Variants in GAS6 observed in about 807,000 individuals in gnomAD.
The protein encoded by GAS6 is growth arrest specific 6.
In GAS6, 41 loss-of-function variants were observed where a neutral mutation model predicts 75.8. The observed-to-expected ratio is 0.54, with a 90% confidence interval of 0.42 to 0.70. GAS6 has a LOEUF of 0.70. Ranked by LOEUF, GAS6 falls within the 30% of genes least tolerant of loss-of-function variation. The pLI is 0.00. For missense variants in GAS6, 854 were observed against 940.2 expected (o/e 0.91, Z 1.20); for synonymous variants, 432 against 412.6 (o/e 1.05, Z -0.57).
chr13:113,859,494 GTC>G (rs1271996173), intron 2 of GAS6, among the ~76,000 whole-genome samples: 8 of 151,912 alleles, frequency 5.3e-5, no homozygotes, highest in Non-Finnish European at 7.4e-5. Context: ...ATGTGTACAT[GTC>G]TGTTAGTATG....
At chr13:113,856,252 G>A (rs750879700) in intron 2 of GAS6, among the ~76,000 whole-genome samples, 6 of 152,188 alleles carry the variant, frequency 3.9e-5, no homozygotes, top group African/African-American at 7.2e-5. Flanking sequence ...GCTCACAGTC[G>A]CCTGCACACA....
rs758711415 is a variant in GAS6, at chr13:113,838,025, G to GT, written c.589+43dup. ...GAGCAGACATGACCGAAAATAGAAGGTGGGGAGAGGAGAGAGGAGAGAGGC... is the reference window on the plus strand; with the variant it reads ...GAGCAGACATGACCGAAAATAGAAGGTTGGGGAGAGGAGAGAGGAGAGAGGC... On this transcript the variant is annotated intron_variant, in intron 6 of 14. Coordinates refer to ENST00000327773, the MANE Select transcript of GAS6 (RefSeq NM_000820.4). The GT allele has an allele frequency of 1.9e-6, 3 of 1,604,922 alleles. No individual in the cohort carries two copies. In the South Asian group the frequency reaches 3.3e-5, roughly 18 times the overall value.
Position 113,837,668 on chromosome 13 carries a change from A to G in GAS6, c.589+401T>C, listed in dbSNP as rs2051731124. 1.3e-5 allele frequency among the ~76,000 whole-genome samples: 2 copies of G among 152,258 alleles called. No individual in the cohort carries two copies. The highest frequency in any genetic ancestry group is 2.9e-5 in the Non-Finnish European group (2 of 67,988). On this transcript the variant is annotated intron_variant, in intron 6 of 14. Coordinates refer to ENST00000327773, the MANE Select transcript of GAS6 (RefSeq NM_000820.4). The surrounding 1 kb of genome is among the most constrained non-coding windows in gnomAD (Gnocchi z 5.1). ...ATATTTAGTGGACAGAGGGAGACCA[A>G]CAACGGGGTGCTTCTGGGGATGCTG...
chr13:113,839,477 C>A (rs1345646390), intron 5 of GAS6: 5 of 455,538 alleles, frequency 1.1e-5, no homozygotes, highest in Admixed American at 4.0e-5. Context: ...AATTTCCCCC[C>A]CCGCCCTTCA....
intron 8 of GAS6, chr13:113,833,166 G>A (rs899665659): frequency 1.5e-5 from 17 of 1,140,964 alleles, no homozygotes; most frequent in African/African-American, 4.8e-5. Context: ...CACGCTGCCC[G>A]AAGGGGGACA....
At chr13:113,836,934 GGGA>G (rs139748229) in intron 6 of GAS6, among the ~76,000 whole-genome samples, 2,798 of 143,540 alleles carry the variant, frequency 0.019, 60 homozygotes, top group Middle Eastern at 0.041. Context: ...GAGGAAGATG[GGGA>G]GGAGGAGGAG....
Position 113,821,960 on chromosome 13 carries a change from G to A in GAS6, c.1880C>T (p.Pro627Leu). ...SPVLTFAGGL[P>L]DVPVTSAPVT... Reference sequence around the variant, plus strand: ...TGAGCGGAGCAGGGAGCACCTACCTGGCAGGCCGCCAGCAAAGGTGAGCAC... The same window carrying A: ...TGAGCGGAGCAGGGAGCACCTACCTAGCAGGCCGCCAGCAAAGGTGAGCAC... Residue 627 changes from proline (P) to leucine (L), a missense_variant and splice_region_variant, in exon 14 of 15, where the codon CCA (proline) becomes CTA (leucine). Transcript: ENST00000327773. 1 of 1,529,714 alleles carries A rather than the reference G, an allele frequency of 6.5e-7. No individual in the cohort carries two copies. Among genetic ancestry groups the A allele is most frequent in the Non-Finnish European group, 8.8e-7 (1 of 1,140,328 alleles). 94.8% of individuals were successfully genotyped at this position (1,529,714 alleles called of 1,614,324 possible). A position where few individuals can be genotyped will look rare whatever the true frequency, so the allele number is the denominator to read the frequency against.
At chr13:113,849,714 G>A (rs1055530419) in intron 2 of GAS6, among the ~76,000 whole-genome samples, 1 of 152,152 alleles carries the variant, frequency 6.6e-6, no homozygotes, top group Non-Finnish European at 1.5e-5. Context: ...GTTGCAAAAA[G>A]GCATTATTCA....
chr13:113,859,843 G>A (rs1389871415), intron 2 of GAS6, among the ~76,000 whole-genome samples: 1 of 152,048 alleles, frequency 6.6e-6, no homozygotes, highest in East Asian at 1.9e-4. Context: ...CCCACCAGGC[G>A]CCCCCACATT....
intron 2 of GAS6, among the ~76,000 whole-genome samples, chr13:113,861,160 G>A (rs2051968286): frequency 6.6e-6 from 1 of 152,240 alleles, no homozygotes; most frequent in Admixed American, 6.5e-5. Flanking sequence ...AGTTTAGCAG[G>A]TGGACATGAA....
At position 113,848,266 on chromosome 13, in the gene GAS6, G is replaced by A. The variant is rs1304353524; in HGVS notation, c.256-216C>T. Among the ~76,000 whole-genome samples the A allele has an allele frequency of 6.6e-6, 1 of 152,124 alleles. No homozygotes were observed. Among genetic ancestry groups the A allele is most frequent in the Non-Finnish European group, 1.5e-5 (1 of 68,040 alleles). ...CCAGCTGCGTAGGAAGTGCTACCAG[G>A]TGTGTCCAGGGGAGAGGCCTGCCCA... On this transcript the variant is annotated intron_variant, in intron 2 of 14. Transcript: ENST00000327773. The surrounding 1 kb of genome is among the most constrained non-coding windows in gnomAD (Gnocchi z 4.8).
chr13:113,841,206 G>A (rs1490082755), intron 4 of GAS6: 1 of 152,338 alleles, frequency 6.6e-6, no homozygotes, highest in Non-Finnish European at 1.5e-5. Flanking sequence ...CGGCGGGCGG[G>A]TCTGTGGTTC....
At position 113,828,723 on chromosome 13, in the gene GAS6, C is replaced by G. The variant is rs1451043299; in HGVS notation, c.1144-12G>C. On this transcript the variant is annotated splice_polypyrimidine_tract_variant and intron_variant, in intron 10 of 14. Coordinates refer to ENST00000327773, the MANE Select transcript of GAS6 (RefSeq NM_000820.4). ...TCCTCAACAGAGATCTGAAGAGAGG[C>G]AGCGCCATGAGAAAAGATGGGAGTG... 8 of 1,611,078 alleles carry G rather than the reference C, an allele frequency of 5.0e-6. No homozygotes were observed. The highest frequency in any genetic ancestry group is 6.8e-6 in the Non-Finnish European group (8 of 1,178,602).
chr13:113,832,981 C>A (rs1049030417), intron 8 of GAS6: 1 of 1,429,308 alleles, frequency 7.0e-7, no homozygotes, highest in Admixed American at 2.7e-5. Flanking sequence ...TCGGGGGTCC[C>A]CGTCATCTCC....
chr13:113,853,149 G>A (rs765431194), intron 2 of GAS6, among the ~76,000 whole-genome samples: 1 of 152,238 alleles, frequency 6.6e-6, no homozygotes, highest in Non-Finnish European at 1.5e-5. Flanking sequence ...ACAACACAGT[G>A]CATTAACAAG....
intron 12 of GAS6, among the ~76,000 whole-genome samples, chr13:113,825,489 T>G (rs7399539): frequency 6.6e-6 from 1 of 152,068 alleles, no homozygotes; most frequent in African/African-American, 2.4e-5. Flanking sequence ...GTTACTGGTA[T>G]AGTTTGAGAT....
At position 113,848,668 on chromosome 13, in the gene GAS6, C is replaced by T. The variant is rs2051851652; in HGVS notation, c.256-618G>A. ...TTCTAGGGCCACAGCCTGGTTAAAG[C>T]AGCCTCCAATCTCCAGCTTAGGGTC... is the stretch of plus-strand genomic sequence containing the variant. On this transcript the variant is annotated intron_variant, in intron 2 of 14. Coordinates refer to ENST00000327773, the MANE Select transcript of GAS6 (RefSeq NM_000820.4). The surrounding 1 kb of genome is among the most constrained non-coding windows in gnomAD (Gnocchi z 4.8). Among the ~76,000 whole-genome samples the T allele has an allele frequency of 6.6e-6, 1 of 152,180 alleles. No individual in the cohort carries two copies. The highest frequency in any genetic ancestry group is 1.5e-5 in the Non-Finnish European group (1 of 68,038).
In GAS6 at chr13:113,832,658, C is replaced by T. The variant is rs141287368; in HGVS notation, c.929G>A (p.Arg310His). The change falls in exon 9 of 15, where the codon CGC (arginine) becomes CAC (histidine). Residue 310 changes from arginine to histidine, a missense_variant. By Grantham distance (29) the Arg-to-His change is conservative. Transcript: ENST00000327773. ...MFSGTPVIRL[R>H]FKRLQPTRLV... ...CCTGGTGGGCTGCAGCCTCTTGAAG[C>T]GCAGTCGGATCACGGGGGTCCCACT... is the stretch of plus-strand genomic sequence containing the variant. 1.1e-5 allele frequency: 18 copies of T among 1,612,632 alleles called. No individual in the cohort carries two copies. The highest frequency in any genetic ancestry group is 3.3e-5 in the South Asian group (3 of 91,082).
At chr13:113,828,077 C>CATCCCGGCTAAA (rs966347177) in intron 11 of GAS6, among the ~76,000 whole-genome samples, 4 of 152,014 alleles carry the variant, frequency 2.6e-5, no homozygotes, top group African/African-American at 4.8e-5. Flanking sequence ...AGATCGAGAC[C>CATCCCGGCTAAA]ACGGCGAAAC....
Sources: allele counts gnomAD v4.1 joint callset (sites outside exome capture counted in the v4.1 genomes callset), GRCh38; gene constraint gnomAD v4.1.1; non-coding constraint Gnocchi (gnomAD v3.1); transcripts MANE v1.5; gene names NCBI Gene and HGNC (gene_info 2026-07-23, HGNC 2026-07-21).